CDH18: variants seen among roughly 807,000 people sequenced by gnomAD.
The protein encoded by CDH18 is cadherin 18.
A neutral mutation model predicts 67.9 loss-of-function variants in CDH18; 31 were observed. That is an observed-to-expected ratio of 0.46 (90% CI 0.34 to 0.62). CDH18 has a LOEUF of 0.62. CDH18 is among the 20% of genes least tolerant of loss of function. The probability of loss-of-function intolerance (pLI) is 0.01; values close to 1 mark genes in which losing one functional copy is unlikely to be tolerated. For missense variants in CDH18, 890 were observed against 975.5 expected (o/e 0.91, Z 1.17); for synonymous variants, 362 against 347.2 (o/e 1.04, Z -0.48).
intron 1 of CDH18, among the ~76,000 whole-genome samples, chr5:20,480,220 TAC>T (rs779614651): frequency 9.9e-5 from 15 of 152,130 alleles, no homozygotes; most frequent in Non-Finnish European, 2.1e-4. Flanking sequence ...CAATAGTAAG[TAC>T]ACAGACAAAT....
intron 5 of CDH18, among the ~76,000 whole-genome samples, chr5:19,647,997 T>C (rs967291637): frequency 6.6e-6 from 1 of 152,030 alleles, no homozygotes; most frequent in Admixed American, 6.6e-5. Context: ...AAAATAAAAA[T>C]GTGATTTGTT....
At chr5:19,793,365 T>G (rs1776557117) in intron 3 of CDH18, among the ~76,000 whole-genome samples, 1 of 152,154 alleles carries the variant, frequency 6.6e-6, no homozygotes, top group African/African-American at 2.4e-5. Flanking sequence ...GAACAATCTG[T>G]AATCTATTAA....
At chr5:20,466,848 G>A (rs1366439984) in intron 1 of CDH18, among the ~76,000 whole-genome samples, 2 of 151,988 alleles carry the variant, frequency 1.3e-5, no homozygotes, top group Non-Finnish European at 2.9e-5. Flanking sequence ...GCAAACTTAA[G>A]ATCTTAATGG....
At chr5:19,547,824 C>T (rs347737) in intron 8 of CDH18, among the ~76,000 whole-genome samples, 16,399 of 152,058 alleles carry the variant, frequency 0.11, 1,321 homozygotes, top group African/African-American at 0.22. Context: ...GTCTTATTCA[C>T]GAAGTTGCAA....
At chr5:19,948,101 T>C (rs1046408742) in intron 2 of CDH18, among the ~76,000 whole-genome samples, 3 of 152,160 alleles carry the variant, frequency 2.0e-5, no homozygotes, top group African/African-American at 7.2e-5. Context: ...CCATTTAGAA[T>C]AGCTAATGTA....
chr5:20,361,438 G>C (rs985852432), intron 1 of CDH18, among the ~76,000 whole-genome samples: 1 of 151,916 alleles, frequency 6.6e-6, no homozygotes, highest in African/African-American at 2.4e-5. Context: ...TTGGAGTATT[G>C]CTATTACTGT....
At chr5:19,760,517 T>C (rs1020072704) in intron 3 of CDH18, among the ~76,000 whole-genome samples, 13 of 152,174 alleles carry the variant, frequency 8.5e-5, no homozygotes, top group African/African-American at 3.1e-4. Flanking sequence ...ACTTTTACAA[T>C]GCCCAGAGTT....
intron 1 of CDH18, among the ~76,000 whole-genome samples, chr5:20,432,934 T>C (rs914651123): frequency 6.7e-6 from 1 of 148,782 alleles, no homozygotes; most frequent in Admixed American, 6.8e-5. Flanking sequence ...AGATATAATA[T>C]ATATTTTATA....
At chr5:19,555,866 C>G (rs1022924601) in intron 8 of CDH18, among the ~76,000 whole-genome samples, 2 of 152,184 alleles carry the variant, frequency 1.3e-5, no homozygotes, top group African/African-American at 4.8e-5. Context: ...CTCACAGAGT[C>G]TACTTCACTC....
chr5:19,620,562 G>A (rs1337252237), intron 5 of CDH18, among the ~76,000 whole-genome samples: 1 of 151,970 alleles, frequency 6.6e-6, no homozygotes, highest in African/African-American at 2.4e-5. Flanking sequence ...AGAATAAGGA[G>A]GAAATGAAGA....
chr5:20,146,675 T>C (rs1172628514), intron 2 of CDH18, among the ~76,000 whole-genome samples: 1 of 151,824 alleles, frequency 6.6e-6, no homozygotes, highest in Non-Finnish European at 1.5e-5. Context: ...GTATAACTTT[T>C]ACCACAAACA....
At chr5:20,323,321 G>A (rs1157826823) in intron 1 of CDH18, among the ~76,000 whole-genome samples, 4 of 152,072 alleles carry the variant, frequency 2.6e-5, no homozygotes, top group Non-Finnish European at 5.9e-5. Context: ...TGTGATGACT[G>A]TATCAAGATT....
At chr5:19,717,248 T>A (rs1183811241) in intron 5 of CDH18, among the ~76,000 whole-genome samples, 1 of 152,112 alleles carries the variant, frequency 6.6e-6, no homozygotes, top group African/African-American at 2.4e-5. Flanking sequence ...CAGGCATGAC[T>A]TAAATTAGAT....
intron 1 of CDH18, among the ~76,000 whole-genome samples, chr5:20,383,596 C>A (rs1204654173): frequency 6.6e-6 from 1 of 152,168 alleles, no homozygotes; most frequent in African/African-American, 2.4e-5. Context: ...AGCTGATCAA[C>A]TGGCATAAAA....
intron 1 of CDH18, among the ~76,000 whole-genome samples, chr5:20,470,334 A>C (rs1188840177): frequency 2.6e-5 from 4 of 152,162 alleles, no homozygotes; most frequent in African/African-American, 4.8e-5. Context: ...TTACTAATCA[A>C]GTCTTGAAGC....
At chr5:19,983,530 T>TGAG (rs1413654190) in intron 1 of CDH18, among the ~76,000 whole-genome samples, 1 of 152,216 alleles carries the variant, frequency 6.6e-6, no homozygotes, top group Non-Finnish European at 1.5e-5. Context: ...AAGCAAATAT[T>TGAG]TCACTCAATA....
intron 2 of CDH18, among the ~76,000 whole-genome samples, chr5:20,009,958 C>T (rs1285639336): frequency 6.6e-6 from 1 of 152,008 alleles, no homozygotes; most frequent in Non-Finnish European, 1.5e-5. Context: ...TCTGGATTGG[C>T]TGTCTTAATT....
intron 5 of CDH18, among the ~76,000 whole-genome samples, chr5:19,622,092 A>G (rs1437469617): frequency 6.6e-6 from 1 of 152,094 alleles, no homozygotes; most frequent in African/African-American, 2.4e-5. Flanking sequence ...TGGCCAACAG[A>G]CCCTCAAATA....
At chr5:20,548,979 G>A (rs1359344243) in intron 1 of CDH18, among the ~76,000 whole-genome samples, 1 of 152,088 alleles carries the variant, frequency 6.6e-6, no homozygotes, top group Admixed American at 6.6e-5. Context: ...ATTCACATTT[G>A]GAGAGTTTAG....
Sources: allele counts gnomAD v4.1 joint callset (sites outside exome capture counted in the v4.1 genomes callset), GRCh38; gene constraint gnomAD v4.1.1; transcripts MANE v1.5; gene names NCBI Gene and HGNC (gene_info 2026-07-23, HGNC 2026-07-21).